EML3: variants seen among roughly 807,000 people sequenced by gnomAD.
EML3 encodes EMAP like 3.
In EML3, 53 loss-of-function variants were observed where a neutral mutation model predicts 106.7. The observed-to-expected ratio is 0.50, with a 90% CI of 0.40 to 0.62. The LOEUF is 0.62. Ranked by LOEUF, EML3 falls within the 20% of genes least tolerant of loss-of-function variation. EML3 has a pLI of 0.00. For missense variants in EML3, 994 were observed against 1,209.1 expected, an observed-to-expected ratio of 0.82 and a Z score of 2.64; for synonymous variants, 499 against 489.6, an observed-to-expected ratio of 1.02 and a Z score of -0.25.
chr11:62,612,602 C>A lies in EML3; in HGVS notation c.-145G>T. ...CACCCCGAGGGGGCGCTGTCGGGCGCGGGGAAGGGGCCTGGAGGGGGCGCT... is the reference window on the plus strand; with the variant it reads ...CACCCCGAGGGGGCGCTGTCGGGCGAGGGGAAGGGGCCTGGAGGGGGCGCT... On this transcript the variant is annotated 5_prime_UTR_variant, in exon 1 of 22. Transcript: ENST00000394773. The A allele has an allele frequency of 1.3e-6, 1 of 786,584 alleles. No individual in the cohort carries two copies. Among genetic ancestry groups the A allele is most frequent in the South Asian group, 3.3e-5 (1 of 30,522 alleles). 48.7% of individuals were successfully genotyped at this position (786,584 alleles called of 1,614,324 possible). A position where few individuals can be genotyped will look rare whatever the true frequency, so the allele number is the denominator to read the frequency against.
At position 62,605,546 on chromosome 11, in the gene EML3, C is replaced by A. The variant is rs1385674961; in HGVS notation, c.1914+96G>T. 1.4e-6 allele frequency: 2 copies of A among 1,468,682 alleles called. No individual in the cohort carries two copies. Among genetic ancestry groups the A allele is most frequent in the Non-Finnish European group, 1.8e-6 (2 of 1,104,474 alleles). The allele number at this position is 1,468,682 out of a possible 1,614,324, so 91.0% of individuals were successfully genotyped here. A position where few individuals can be genotyped will look rare whatever the true frequency, so the allele number is the denominator to read the frequency against. On this transcript the variant is annotated intron_variant, in intron 15 of 21. Transcript: ENST00000394773. The surrounding 1 kb of genome is among the most constrained non-coding windows in gnomAD (Gnocchi z 5.2). ...AGCCATACCAGTACAAACTGGCCACCTCTGGGAGGCAGAAGGCAAGGTGCT... is the reference window on the plus strand; with the variant it reads ...AGCCATACCAGTACAAACTGGCCACATCTGGGAGGCAGAAGGCAAGGTGCT...
intron 6 of EML3, 94 bp downstream of exon 6, chr11:62,609,260 C>A (rs576482603): frequency 3.9e-6 from 6 of 1,547,570 alleles, no homozygotes; most frequent in Non-Finnish European, 5.2e-6. Flanking sequence ...CTAGAAGGCT[C>A]CTTGTCCCCA....
At chr11:62,609,747 A>G (rs1371216485) in intron 4 of EML3, 51 bp from the exon 5 acceptor site, 1 of 1,499,776 alleles carries the variant, frequency 6.7e-7, no homozygotes, top group Non-Finnish European at 9.0e-7. Flanking sequence ...CCAAGACCTA[A>G]GCGGGGAGGG....
At position 62,603,786 on chromosome 11, in the gene EML3, A is replaced by C. The variant is rs756846688; in HGVS notation, c.2200T>G (p.Trp734Gly). 1.9e-6 allele frequency: 3 copies of C among 1,614,088 alleles called. No homozygotes were observed. The highest frequency in any genetic ancestry group is 1.7e-6 in the Non-Finnish European group (2 of 1,180,038). ...GHSSFITHLD[W>G]SKDGNFIMSN... is the part of the protein sequence containing the mutation. ...ATGATGAAATTCCCATCCTTGGACC[A>C]GTCAAGATGAGTGATGAAGCTGGAG... is the stretch of plus-strand genomic sequence containing the variant. The change falls in exon 19 of 22, where the codon TGG becomes GGG. Residue 734 changes from tryptophan (W) to glycine (G), a missense_variant. Trp to Gly is a radical substitution (Grantham distance 184). Transcript: ENST00000394773.
At chr11:62,612,303 G>A (rs1942871051) in intron 1 of EML3, 133 bp downstream of exon 1, 1 of 889,328 alleles carries the variant, frequency 1.1e-6, no homozygotes, top group Non-Finnish European at 1.7e-6. Flanking sequence ...CGGAGGAACT[G>A]TGGAGGATGC....
chr11:62,611,284 G>A lies in EML3; in HGVS notation c.255C>T (p.Thr85=), dbSNP rs781004005. The A allele has an allele frequency of 1.9e-6, 3 of 1,612,872 alleles. No homozygotes were observed. Among genetic ancestry groups the A allele is most frequent in the South Asian group, 2.2e-5 (2 of 91,084 alleles). ...TCTPSLVSRG[T]QTETEVELKS... is the part of the protein sequence containing the mutation. ...TGAGCTCCACCTCTGTCTCCGTCTG[G>A]GTGCCTCGGCTCACCAAGGAAGGGG... Residue 85 remains threonine (T), a synonymous_variant, in exon 3 of 22, where the codon ACC becomes ACT. Coordinates refer to ENST00000394773, the MANE Select transcript of EML3 (RefSeq NM_153265.3).
At position 62,609,695 on chromosome 11, in the gene EML3, G is replaced by A. The variant is rs201745494; in HGVS notation, c.568C>T (p.Arg190Cys). The change falls in exon 5 of 22, where the codon CGT becomes TGT. Residue 190 changes from arginine (R) to cysteine (C), a missense_variant and splice_region_variant. Arg to Cys is a radical substitution (Grantham distance 180). Around this residue, in one of 3 missense-constraint regions of EML3, gnomAD observed 269 missense variants for 265.1 expected, o/e 1.01. Transcript: ENST00000394773. ...CTGGAGAGGGGGTCTTTTCCCCCAC[G>A]GCTGTTGGGAAGAGAGAAAGCACAG... ...LLVRSGSTES[R>C]GGKDPLSSPG... 38 of 1,598,054 alleles carry A rather than the reference G, an allele frequency of 2.4e-5. No homozygotes were observed. The highest frequency in any genetic ancestry group is 1.7e-4 in the Middle Eastern group (1 of 5,996).
intron 5 of EML3, 65 bp from the exon 6 acceptor site, chr11:62,609,542 C>T: frequency 6.4e-7 from 1 of 1,551,484 alleles, no homozygotes; most frequent in Non-Finnish European, 8.7e-7. Flanking sequence ...ACCCTACCCA[C>T]CACACCTACC....
Position 62,605,750 on chromosome 11 carries a change from C to T in EML3, c.1806G>A (p.Gly602=). The change falls in exon 15 of 22, where the codon GGG becomes GGA. Residue 602 remains glycine (G), a synonymous_variant. Coordinates refer to ENST00000394773, the MANE Select transcript of EML3 (RefSeq NM_153265.3). This position sits in a 1 kb window ranked among gnomAD's most constrained non-coding sequence, Gnocchi z 5.2. Reference sequence around the variant, plus strand: ...GGTTCTGGGAGGGGTGTGTGCAGAGCCCCCAGAGCTCATCAGTGTGGCCCT... The same window carrying T: ...GGTTCTGGGAGGGGTGTGTGCAGAGTCCCCAGAGCTCATCAGTGTGGCCCT... ...VIQGHTDELW[G]LCTHPSQNRF... The T allele has an allele frequency of 1.3e-6, 2 of 1,593,976 alleles. No individual in the cohort carries two copies. Among genetic ancestry groups the T allele is most frequent in the African/African-American group, 2.7e-5 (2 of 74,674 alleles).
intron 12 of EML3, 84 bp downstream of exon 12, chr11:62,606,874 A>AAG: frequency 7.2e-7 from 1 of 1,395,240 alleles, no homozygotes; most frequent in Non-Finnish European, 9.6e-7. Flanking sequence ...AAAAAAAAAA[A>AAG]GATGGGAATG....
intron 12 of EML3, 87 bp downstream of exon 12, chr11:62,606,871 A>AAC: frequency 2.1e-6 from 3 of 1,436,660 alleles, no homozygotes; most frequent in Non-Finnish European, 2.8e-6. Context: ...AAAAAAAAAA[A>AAC]AAAGATGGGA....
intron 20 of EML3, 113 bp from the exon 21 acceptor site, chr11:62,603,002 C>G (rs1217359585): frequency 1.0e-5 from 15 of 1,480,586 alleles, no homozygotes; most frequent in Non-Finnish European, 1.3e-5. Flanking sequence ...GCGTTCCAGG[C>G]AAGCCTTCCC....
rs1942466861 is a variant in EML3, at chr11:62,605,604, G to A, written c.1914+38C>T. The A allele has an allele frequency of 1.4e-5, 21 of 1,510,608 alleles. No individual in the cohort carries two copies. The highest frequency in any genetic ancestry group is 1.8e-5 in the Non-Finnish European group (20 of 1,130,362). The allele number at this position is 1,510,608 out of a possible 1,614,324, so 93.6% of individuals were successfully genotyped here. Reference sequence around the variant, plus strand: ...GCGTGGTGGCCACAGGTGTCCTGGTGGGTGTGGCATGGGGGATCCAGGGGC... The same window carrying A: ...GCGTGGTGGCCACAGGTGTCCTGGTAGGTGTGGCATGGGGGATCCAGGGGC... On this transcript the variant is annotated intron_variant, in intron 15 of 21. Transcript: ENST00000394773. This position sits in a 1 kb window ranked among gnomAD's most constrained non-coding sequence, Gnocchi z 5.2.
At position 62,611,535 on chromosome 11, in the gene EML3, C is replaced by T. The variant is rs771461942; in HGVS notation, c.84G>A (p.Gln28=). Residue 28 remains glutamine, a synonymous_variant, in exon 2 of 22, where the codon CAG becomes CAA. Coordinates refer to ENST00000394773, the MANE Select transcript of EML3 (RefSeq NM_153265.3). ...SLSQRLRVQE[Q]EMELVKAALA... is the part of the protein sequence containing the mutation. ...GGGCTGCCTTTACCAGTTCCATCTC[C>T]TGCTCCTGCACCCGAAGCCGCTGGC... 10 of 1,613,830 alleles carry T rather than the reference C, an allele frequency of 6.2e-6. No individual in the cohort carries two copies. Among genetic ancestry groups the T allele is most frequent in the Non-Finnish European group, 8.5e-6 (10 of 1,179,990 alleles).
rs754092127 is a variant in EML3, at chr11:62,608,313, C to T, written c.1111-17G>A. 1.9e-6 allele frequency: 3 copies of T among 1,610,246 alleles called. No individual in the cohort carries two copies. The highest frequency in any genetic ancestry group is 2.5e-6 in the Non-Finnish European group (3 of 1,176,734). ...ACCCTGATCCTGAAGAAGGGTGACA[C>T]ATAGGAGGTGCAGAGTGAACCCTGG... On this transcript the variant is annotated splice_polypyrimidine_tract_variant and intron_variant, in intron 9 of 21. Coordinates refer to ENST00000394773, the MANE Select transcript of EML3 (RefSeq NM_153265.3).
In EML3 at chr11:62,610,959, G is replaced by T. The variant is rs150221182; in HGVS notation, c.486C>A (p.Pro162=). 5 of 1,613,852 alleles carry T rather than the reference G, an allele frequency of 3.1e-6. No homozygotes were observed. Among genetic ancestry groups the T allele is most frequent in the Non-Finnish European group, 4.2e-6 (5 of 1,179,980 alleles). The part of the protein sequence containing the change: ...PRRNSSSSSS[P]SERPRQKLSR... ...AGAGCTTCTGCCGAGGCCGCTCTGA[G>T]GGGGATGAGGAGGAGGAAGAATTTC... Residue 162 remains proline (P), a synonymous_variant, in exon 4 of 22, where the codon CCC becomes CCA. Coordinates refer to ENST00000394773, the MANE Select transcript of EML3 (RefSeq NM_153265.3).
Position 62,609,361 on chromosome 11 carries a change from C to A in EML3, c.751G>T (p.Asp251Tyr). The A allele has an allele frequency of 6.3e-7, 1 of 1,576,078 alleles. No individual in the cohort carries two copies. Among genetic ancestry groups the A allele is most frequent in the Non-Finnish European group, 8.6e-7 (1 of 1,160,674 alleles). ...SGPPPETLSL[D>Y]WVYGYRGRDS... ...CTGGAAGGGGCAGGATACACCCAGT[C>A]AAGGCTGAGGGTCTCTGGCGGTGGG... The change falls in exon 6 of 22, where the codon GAC (aspartate) becomes TAC (tyrosine). Residue 251 changes from aspartate to tyrosine, a missense_variant. Asp to Tyr is a radical substitution (Grantham distance 160). This residue lies in a region of EML3 where 713 missense variants were observed against 920.5 expected (regional missense o/e 0.77). Transcript: ENST00000394773.
At position 62,612,244 on chromosome 11, in the gene EML3, T is replaced by C. The variant is rs867159450; in HGVS notation, c.22+192A>G. 3 of 544,660 alleles carry C rather than the reference T, an allele frequency of 5.5e-6. No individual in the cohort carries two copies. The Middle Eastern group carries it at 1.0e-3, about 185-fold the overall frequency. The allele number at this position is 544,660 out of a possible 1,614,324, so 33.7% of individuals were successfully genotyped here. A position where few individuals can be genotyped will look rare whatever the true frequency, so the allele number is the denominator to read the frequency against. On this transcript the variant is annotated intron_variant, in intron 1 of 21. Transcript: ENST00000394773. ...AGTTACGTGGGGCGTAGAATGACGC[T>C]GGGGAAGCCCGAAGTGACAGCAAGA... is the stretch of plus-strand genomic sequence containing the variant.
chr11:62,610,813 T>G, intron 4 of EML3, 66 bp downstream of exon 4: 12 of 1,370,780 alleles, frequency 8.8e-6, no homozygotes, highest in Non-Finnish European at 1.2e-5. Flanking sequence ...GGATGTGAGG[T>G]GAGGGATATG....
Sources: gnomAD v4.1 joint callset for allele counts on GRCh38, gnomAD v4.1.1 for gene constraint, gnomAD v4.1.1 regional missense constraint, Gnocchi (gnomAD v3.1) non-coding constraint, MANE v1.5 for transcripts, NCBI Gene and HGNC (gene_info 2026-07-23, HGNC 2026-07-21) for gene names.